Variants in RBFOX1 observed in about 807,000 individuals in gnomAD.
RBFOX1 encodes RNA binding fox-1 homolog 1.
A neutral mutation model predicts 57.7 loss-of-function variants in RBFOX1; 8 were observed. The observed-to-expected ratio is 0.14, with a 90% confidence interval of 0.08 to 0.25. The LOEUF (loss-of-function observed/expected upper bound fraction) is 0.25, where lower values mean the gene tolerates loss of function less well. RBFOX1 is among the 10% of genes least tolerant of loss of function. The pLI is 1.00. For synonymous variants in RBFOX1, 326 were observed against 222.4 expected, an observed-to-expected ratio of 1.47 and a Z score of -4.15; for missense variants, 611 against 548.5, an observed-to-expected ratio of 1.11 and a Z score of -1.14.
rs75657622 is a variant in RBFOX1, at chr16:7,274,533, C to T, written c.27+222435C>T. On this transcript the variant is annotated intron_variant, in intron 4 of 15. Transcript: ENST00000550418. The stretch of plus-strand genomic sequence containing the variant: ...CCTGAGAGTTTGGGACTTCTCTGCT[C>T]TGTACTTGCTTCTGACACTAACCTT... Among the ~76,000 whole-genome samples the T allele has an allele frequency of 5.9e-3, 897 of 152,244 alleles. 5 individuals carry two copies. The highest frequency in any genetic ancestry group is 0.012 in the Admixed American group (177 of 15,266).
At chr16:5,568,062 C>G (rs2046135581) in intron 2 of RBFOX1, among the ~76,000 whole-genome samples, 1 of 152,194 alleles carries the variant, frequency 6.6e-6, no homozygotes, top group African/African-American at 2.4e-5. Flanking sequence ...CACTAAAACA[C>G]AGATCTGATC....
intron 2 of RBFOX1, among the ~76,000 whole-genome samples, chr16:6,432,494 TA>T (rs1359723945): frequency 6.8e-6 from 1 of 146,930 alleles, no homozygotes; most frequent in Non-Finnish European, 1.5e-5. Context: ...CAACAGGGTG[TA>T]ACCTCATCTT....
At chr16:5,501,753 A>G (rs1206226758) in intron 2 of RBFOX1, among the ~76,000 whole-genome samples, 3 of 152,086 alleles carry the variant, frequency 2.0e-5, no homozygotes, top group African/African-American at 7.2e-5. Flanking sequence ...TTGCTCTGTC[A>G]CCCAGGCTGG....
chr16:7,040,396 C>G (rs949879073), intron 3 of RBFOX1, among the ~76,000 whole-genome samples: 3 of 152,156 alleles, frequency 2.0e-5, no homozygotes, highest in African/African-American at 7.2e-5. Flanking sequence ...CTACAAATAA[C>G]ATCTCATTTA....
intron 3 of RBFOX1, among the ~76,000 whole-genome samples, chr16:6,848,164 GGAGGCTGATC>G: frequency 6.6e-6 from 1 of 151,892 alleles, no homozygotes; most frequent in Non-Finnish European, 1.5e-5. Context: ...TACCCCACAA[GGAGGCTGATC>G]ACAGCCTCCT....
intron 13 of RBFOX1, among the ~76,000 whole-genome samples, chr16:7,669,410 G>A (rs765704320): frequency 1.2e-4 from 19 of 152,168 alleles, no homozygotes; most frequent in Non-Finnish European, 1.9e-4. Context: ...ATTGACAAAC[G>A]GATAGAAACT....
chr16:6,615,788 C>G (rs1317213599), intron 2 of RBFOX1, among the ~76,000 whole-genome samples: 1 of 152,156 alleles, frequency 6.6e-6, no homozygotes, highest in Non-Finnish European at 1.5e-5. Flanking sequence ...TCAGCTCTGC[C>G]ATTAACAGCA....
intron 2 of RBFOX1, among the ~76,000 whole-genome samples, chr16:6,531,718 T>C (rs2096660619): frequency 1.3e-5 from 2 of 152,156 alleles, no homozygotes; most frequent in Admixed American, 1.3e-4. Context: ...AAACAGGGCT[T>C]CTTAATGGAG....
intron 2 of RBFOX1, among the ~76,000 whole-genome samples, chr16:6,351,914 T>G (rs970340132): frequency 2.0e-5 from 3 of 152,156 alleles, no homozygotes; most frequent in African/African-American, 7.2e-5. Context: ...ATTCCACCAA[T>G]GGGGAGTATA....
intron 3 of RBFOX1, among the ~76,000 whole-genome samples, chr16:6,926,239 G>A (rs2075561313): frequency 6.6e-6 from 1 of 152,104 alleles, no homozygotes; most frequent in South Asian, 2.1e-4. Flanking sequence ...CCTGGGAGGG[G>A]GAGGTTGCAG....
intron 1 of RBFOX1, among the ~76,000 whole-genome samples, chr16:5,277,046 T>G (rs2063158928): frequency 6.6e-6 from 1 of 152,180 alleles, no homozygotes; most frequent in Non-Finnish European, 1.5e-5. Context: ...CCAGCCCAAA[T>G]GCCCATCAGT....
intron 4 of RBFOX1, among the ~76,000 whole-genome samples, chr16:7,473,820 C>T (rs965250683): frequency 3.9e-5 from 6 of 152,106 alleles, no homozygotes; most frequent in African/African-American, 1.4e-4. Flanking sequence ...TTGCTTTCTT[C>T]ATAGACAATT....
chr16:6,012,145 C>T (rs1219047174), intron 4 of RBFOX1, among the ~76,000 whole-genome samples: 1 of 152,150 alleles, frequency 6.6e-6, no homozygotes, highest in Non-Finnish European at 1.5e-5. Context: ...GATTTGGATC[C>T]TAAATTAATT....
chr16:6,512,626 C>T (rs539365003), intron 2 of RBFOX1, among the ~76,000 whole-genome samples: 1 of 152,248 alleles, frequency 6.6e-6, no homozygotes, highest in African/African-American at 2.4e-5. Flanking sequence ...TACACATTTC[C>T]AGAGTTCTCC....
At chr16:6,785,812 AACTT>A (rs2081862575) in intron 3 of RBFOX1, among the ~76,000 whole-genome samples, 1 of 141,720 alleles carries the variant, frequency 7.1e-6, no homozygotes, top group Non-Finnish European at 1.5e-5. Flanking sequence ...GCATGATGAG[AACTT>A]ACTTTAGAAT....
At chr16:7,547,249 A>G (rs1441057558) in intron 5 of RBFOX1, among the ~76,000 whole-genome samples, 1 of 152,230 alleles carries the variant, frequency 6.6e-6, no homozygotes, top group Middle Eastern at 3.2e-3. Context: ...AAAATCCAGC[A>G]GGCAACCTGC....
At chr16:6,683,804 C>T (rs1166740286) in intron 3 of RBFOX1, among the ~76,000 whole-genome samples, 2 of 152,146 alleles carry the variant, frequency 1.3e-5, no homozygotes, top group African/African-American at 2.4e-5. Flanking sequence ...CCTCCTTCCA[C>T]CAGTTAACAG....
At chr16:6,962,377 A>G (rs991583844) in intron 3 of RBFOX1, among the ~76,000 whole-genome samples, 1 of 152,176 alleles carries the variant, frequency 6.6e-6, no homozygotes, top group Non-Finnish European at 1.5e-5. Context: ...AAGGGTTAGG[A>G]CTTCGACTTA....
chr16:5,712,096 G>A (rs1337727241), intron 3 of RBFOX1, among the ~76,000 whole-genome samples: 1 of 152,100 alleles, frequency 6.6e-6, no homozygotes. Flanking sequence ...GAAGGGGGAG[G>A]AGCCCTGTAT....
Sources: allele counts gnomAD v4.1 joint callset (sites outside exome capture counted in the v4.1 genomes callset), GRCh38; gene constraint gnomAD v4.1.1; transcripts MANE v1.5; gene names NCBI Gene and HGNC (gene_info 2026-07-23, HGNC 2026-07-21).